The following MALRD1 variants were observed in gnomAD, a reference collection of about 807,000 sequenced individuals.
MALRD1 encodes MAM and LDL receptor class A domain containing 1, also known as MAM and LDL-receptor class A domain-containing protein 1.
Under a neutral mutation model 242.1 loss-of-function variants are expected in MALRD1, and 247 were observed. The ratio of observed to expected loss-of-function variants is 1.02; its 90% CI spans 0.92 to 1.13. The LOEUF is 1.13. Ranked by LOEUF, MALRD1 falls within the 50% of genes most tolerant of loss-of-function variation. MALRD1 has a pLI of 0.00. For synonymous variants in MALRD1, 995 were observed against 866.6 expected (o/e 1.15, Z -2.60); for missense variants, 2,989 against 2,533.1 (o/e 1.18, Z -3.86).
chr10:19,607,328 G>A (rs1276991672), intron 34 of MALRD1, among the ~76,000 whole-genome samples: 1 of 152,104 alleles, frequency 6.6e-6, no homozygotes, highest in African/African-American at 2.4e-5. Context: ...CGTGTAGGCA[G>A]GTTTGGTGTC....
intron 31 of MALRD1, among the ~76,000 whole-genome samples, chr10:19,508,007 A>G (rs1319308147): frequency 6.6e-6 from 1 of 151,914 alleles, no homozygotes; most frequent in Admixed American, 6.6e-5. Flanking sequence ...CTGACATTGT[A>G]GCAAAGGGGG....
chr10:19,407,437 G>A (rs959731294), intron 28 of MALRD1, among the ~76,000 whole-genome samples: 2 of 151,966 alleles, frequency 1.3e-5, no homozygotes, highest in African/African-American at 4.8e-5. Flanking sequence ...AGCTGTGATT[G>A]TGCCACTGCA....
chr10:19,389,200 C>T (rs750954686), intron 27 of MALRD1: 26 of 576,288 alleles, frequency 4.5e-5, no homozygotes, highest in South Asian at 9.4e-5. Flanking sequence ...GTTGATGCGA[C>T]GGCATAAATA....
intron 14 of MALRD1, among the ~76,000 whole-genome samples, chr10:19,195,534 G>A (rs559182614): frequency 2.4e-4 from 36 of 152,178 alleles, no homozygotes; most frequent in African/African-American, 8.7e-4. Flanking sequence ...ATCTTCCCCT[G>A]GATGTTTAAT....
rs545605862 is a variant in MALRD1, at chr10:19,169,707, T to G, written c.1830+3897T>G. 7.5e-4 allele frequency among the ~76,000 whole-genome samples: 115 copies of G among 152,334 alleles called. 1 individual carries two copies. The highest frequency in any genetic ancestry group is 2.6e-3 in the African/African-American group (107 of 41,586). ...TAGGTACAGTTCTACTTTGTTCTTTTATCGACAACAAATGAAAAAGATATT... is the reference window on the plus strand; with the variant it reads ...TAGGTACAGTTCTACTTTGTTCTTTGATCGACAACAAATGAAAAAGATATT... On this transcript the variant is annotated intron_variant, in intron 13 of 39. Coordinates refer to ENST00000454679, the MANE Select transcript of MALRD1 (RefSeq NM_001142308.3).
intron 14 of MALRD1, among the ~76,000 whole-genome samples, chr10:19,182,986 T>G (rs535098489): frequency 2.7e-4 from 41 of 150,978 alleles, no homozygotes; most frequent in Non-Finnish European, 5.2e-4. Context: ...TTCGGGGACT[T>G]AAAAGATAAT....
intron 14 of MALRD1, among the ~76,000 whole-genome samples, chr10:19,188,317 T>C (rs745537299): frequency 1.5e-4 from 23 of 152,176 alleles, no homozygotes; most frequent in Non-Finnish European, 2.9e-4. Context: ...AGGAACTTGT[T>C]CTAGGATTTG....
At chr10:19,288,688 C>A (rs1027221484) in intron 21 of MALRD1, among the ~76,000 whole-genome samples, 2 of 152,068 alleles carry the variant, frequency 1.3e-5, no homozygotes, top group Non-Finnish European at 2.9e-5. Flanking sequence ...CCAAGTCCTG[C>A]GAGATCCCAT....
intron 28 of MALRD1, among the ~76,000 whole-genome samples, chr10:19,403,545 A>G (rs1456773996): frequency 6.6e-6 from 1 of 152,120 alleles, no homozygotes; most frequent in Non-Finnish European, 1.5e-5. Flanking sequence ...GAGCTGAGGG[A>G]TCATTATTCT....
At chr10:19,088,247 C>A in intron 4 of MALRD1, 62 bp downstream of exon 4, 1 of 1,202,554 alleles carries the variant, frequency 8.3e-7, no homozygotes, top group Non-Finnish European at 1.0e-6. Flanking sequence ...ATCTTTAACA[C>A]CAGGTGAACT....
chr10:19,172,263 G>T (rs1248202948), intron 13 of MALRD1, among the ~76,000 whole-genome samples: 2 of 149,224 alleles, frequency 1.3e-5, no homozygotes, highest in Non-Finnish European at 3.0e-5. Flanking sequence ...AATAGGAACA[G>T]CCAAGGTGAT....
At chr10:19,522,132 G>A in intron 31 of MALRD1, among the ~76,000 whole-genome samples, 1 of 151,802 alleles carries the variant, frequency 6.6e-6, no homozygotes, top group East Asian at 1.9e-4. Context: ...ATAATCAGAG[G>A]CTCTTCATTG....
At chr10:19,391,432 A>C (rs922983790) in intron 28 of MALRD1, among the ~76,000 whole-genome samples, 1 of 152,220 alleles carries the variant, frequency 6.6e-6, no homozygotes, top group African/African-American at 2.4e-5. Context: ...GAATCATGCT[A>C]GATTTTACCT....
intron 36 of MALRD1, among the ~76,000 whole-genome samples, chr10:19,640,591 G>C (rs2131676785): frequency 6.6e-6 from 1 of 152,106 alleles, no homozygotes. Context: ...CTCTAACCCT[G>C]TTCTATATAA....
intron 9 of MALRD1, among the ~76,000 whole-genome samples, 193 bp from the exon 10 acceptor site, chr10:19,136,381 C>T (rs962499340): frequency 6.6e-6 from 1 of 151,234 alleles, no homozygotes; most frequent in Non-Finnish European, 1.5e-5. Flanking sequence ...GGAACATGTG[C>T]ACAACCTGCA....
chr10:19,532,849 A>T (rs1438109953), intron 32 of MALRD1, among the ~76,000 whole-genome samples: 1 of 152,236 alleles, frequency 6.6e-6, no homozygotes, highest in Non-Finnish European at 1.5e-5. Context: ...TAAAAATTTT[A>T]AATTATTTTT....
chr10:19,162,488 T>C (rs1367744498), intron 12 of MALRD1, among the ~76,000 whole-genome samples: 4 of 152,208 alleles, frequency 2.6e-5, no homozygotes, highest in Non-Finnish European at 5.9e-5. Flanking sequence ...AGTGTTCTGC[T>C]ACTGGCATGT....
chr10:19,716,820 C>T (rs547756695), intron 38 of MALRD1: 4 of 152,264 alleles, frequency 2.6e-5, no homozygotes, highest in African/African-American at 9.6e-5. Flanking sequence ...TTTGTACCAT[C>T]ATGCATGTTA....
chr10:19,275,874 T>C (rs1007935656), intron 19 of MALRD1, among the ~76,000 whole-genome samples: 3 of 152,128 alleles, frequency 2.0e-5, no homozygotes, highest in Non-Finnish European at 4.4e-5. Flanking sequence ...TCCATAAATA[T>C]ACATAATATA....
Sources: allele counts gnomAD v4.1 joint callset (sites outside exome capture counted in the v4.1 genomes callset), GRCh38; gene constraint gnomAD v4.1.1; transcripts MANE v1.5; gene names NCBI Gene and HGNC (gene_info 2026-07-23, HGNC 2026-07-21).